The following SYTL4 variants were observed in gnomAD, a reference collection of about 807,000 sequenced individuals.
SYTL4 encodes synaptotagmin like 4.
Under a neutral mutation model 52.7 loss-of-function variants are expected in SYTL4, and 16 were observed. That is an observed-to-expected ratio of 0.30 (90% confidence interval 0.21 to 0.46). The LOEUF (loss-of-function observed/expected upper bound fraction) is 0.46, where lower values mean the gene tolerates loss of function less well. SYTL4 is among the 20% of genes least tolerant of loss of function. SYTL4 has a pLI of 1.00. For synonymous variants in SYTL4, 160 were observed against 186.6 expected, an observed-to-expected ratio of 0.86 and a Z score of 1.16; for missense variants, 423 against 519.9, an observed-to-expected ratio of 0.81 and a Z score of 1.81.
At chrX:100,724,369 G>A (rs1229029387) in intron 2 of SYTL4, among the ~76,000 whole-genome samples, 7 of 104,891 alleles carry the variant, frequency 6.7e-5, no homozygotes, top group Admixed American at 9.9e-5. Flanking sequence ...TCTGGGAGGT[G>A]TACCCAACAG....
rs188636152 is a variant in SYTL4 at position 100,710,978 on chromosome X, A to T, written c.-239-6092T>A. 8.9e-5 allele frequency among the ~76,000 whole-genome samples: 10 copies of T among 112,524 alleles called. No individual in the cohort carries two copies. The East Asian group carries it at 2.8e-3, about 32-fold the overall frequency. On this transcript the variant is annotated intron_variant, in intron 2 of 19. Coordinates refer to ENST00000372989, the MANE Select transcript of SYTL4 (RefSeq NM_001370165.1). ...GCCAGGGAAAGAACTACCTGAAAGGATTCAAAAGAACAATGCCTGTCACTC... is the reference window on the plus strand; with the variant it reads ...GCCAGGGAAAGAACTACCTGAAAGGTTTCAAAAGAACAATGCCTGTCACTC...
At chrX:100,730,868 A>T (rs1308688751) in intron 2 of SYTL4, among the ~76,000 whole-genome samples, 1 of 107,893 alleles carries the variant, frequency 9.3e-6, no homozygotes, top group East Asian at 2.9e-4. Context: ...TTGTTCCCAC[A>T]GCGACAAAAG....
intron 8 of SYTL4, among the ~76,000 whole-genome samples, chrX:100,692,621 A>C (rs1371682209): frequency 9.0e-6 from 1 of 111,464 alleles, no homozygotes; most frequent in Admixed American, 9.6e-5. Context: ...TCGGCCCCTT[A>C]CCTCAAAGAA....
chrX:100,718,958 C>T (rs147689124), intron 2 of SYTL4, among the ~76,000 whole-genome samples: 1 of 109,757 alleles, frequency 9.1e-6, no homozygotes, highest in Admixed American at 9.7e-5. Context: ...CCATCACACC[C>T]GGCTAATTTT....
chrX:100,690,040 T>A (rs755556380), intron 11 of SYTL4, 35 bp downstream of exon 11: 1 of 1,164,293 alleles, frequency 8.6e-7, no homozygotes, highest in South Asian at 1.8e-5. Context: ...ACTCAGAACT[T>A]CAGTCCTGAA....
rs142852805 is a variant in SYTL4, at chrX:100,715,739, G to A, written c.-239-10853C>T. On this transcript the variant is annotated intron_variant, in intron 2 of 19. Transcript: ENST00000372989. ...AGTTTGAGACCAGCCTGGACTACAC[G>A]GTGAAACCCCATCTCTCTACACACA... Among the ~76,000 whole-genome samples, 1,016 of 108,473 alleles carry A rather than the reference G, an allele frequency of 9.4e-3. 11 individuals carry two copies. The highest frequency in any genetic ancestry group is 0.033 in the African/African-American group (968 of 29,738). 94.2% of individuals were successfully genotyped at this position (108,473 alleles called of 115,157 possible). A position where few individuals can be genotyped will look rare whatever the true frequency, so the allele number is the denominator to read the frequency against.
At chrX:100,713,273 G>A (rs750871387) in intron 2 of SYTL4, among the ~76,000 whole-genome samples, 2 of 111,463 alleles carry the variant, frequency 1.8e-5, no homozygotes, top group East Asian at 5.6e-4. Flanking sequence ...GTGAAACCCC[G>A]TCTCTACTAA....
intron 16 of SYTL4, 101 bp downstream of exon 16, chrX:100,685,889 A>G: frequency 1.2e-6 from 1 of 866,357 alleles, no homozygotes; most frequent in Non-Finnish European, 1.6e-6. Flanking sequence ...AGAACTCCAG[A>G]GAAGACTACA....
intron 16 of SYTL4, chrX:100,684,551 G>T (rs1241041581): frequency 9.1e-6 from 1 of 109,329 alleles, no homozygotes; most frequent in Non-Finnish European, 1.9e-5. Context: ...GTAAGTGATG[G>T]CACAAAAGGA....
chrX:100,710,798 G>A (rs1330861671), intron 2 of SYTL4, among the ~76,000 whole-genome samples: 2 of 111,800 alleles, frequency 1.8e-5, no homozygotes, highest in Admixed American at 9.4e-5. Context: ...GAGAGTCTGG[G>A]AAAAAAACCA....
At chrX:100,710,621 A>G in intron 2 of SYTL4, among the ~76,000 whole-genome samples, 1 of 112,465 alleles carries the variant, frequency 8.9e-6, no homozygotes, top group African/African-American at 3.2e-5. Flanking sequence ...TTTTCAAATC[A>G]CTGAACATCA....
chrX:100,688,614 G>C (rs1331177055), intron 12 of SYTL4, among the ~76,000 whole-genome samples, 171 bp from the exon 13 acceptor site: 2 of 104,753 alleles, frequency 1.9e-5, no homozygotes, highest in Admixed American at 2.0e-4. Flanking sequence ...GCCCAGGCTG[G>C]AGGGCAATGG....
intron 19 of SYTL4, among the ~76,000 whole-genome samples, chrX:100,677,143 C>G (rs150031234): frequency 1.2e-3 from 129 of 112,127 alleles, no homozygotes; most frequent in African/African-American, 3.4e-3. Flanking sequence ...TCTGAGGACT[C>G]TCTGAGAAGG....
chrX:100,708,632 A>C (rs1175571151), intron 2 of SYTL4, among the ~76,000 whole-genome samples: 1 of 112,651 alleles, frequency 8.9e-6, no homozygotes, highest in Non-Finnish European at 1.9e-5. Context: ...AAGCTAGGCA[A>C]AACTTGACAG....
intron 2 of SYTL4, among the ~76,000 whole-genome samples, chrX:100,707,082 T>C (rs1413214320): frequency 2.7e-5 from 3 of 111,079 alleles, no homozygotes; most frequent in Non-Finnish European, 5.7e-5. Context: ...TATAGACAAG[T>C]TGAACAACAA....
At position 100,675,984 on chromosome X, in the gene SYTL4, G is replaced by A; in HGVS notation, c.*44C>T. On this transcript the variant is annotated 3_prime_UTR_variant, in exon 20 of 20. Transcript: ENST00000372989. The stretch of plus-strand genomic sequence containing the variant: ...TGCTCTTGATTTCTTCACTTCCTCT[G>A]ACCTGCCCTCGCCAGGGCTGGACCT... 1 of 1,179,784 alleles carries A rather than the reference G, an allele frequency of 8.5e-7. No homozygotes were observed. Among genetic ancestry groups the A allele is most frequent in the Non-Finnish European group, 1.1e-6 (1 of 877,366 alleles).
At chrX:100,715,945 CAAAAAAAA>C (rs769194042) in intron 2 of SYTL4, among the ~76,000 whole-genome samples, 213 of 53,575 alleles carry the variant, frequency 4.0e-3, no homozygotes, top group African/African-American at 0.011. Context: ...CTCTCTCTCT[CAAAAAAAA>C]AAAAAAAAAA....
intron 2 of SYTL4, among the ~76,000 whole-genome samples, chrX:100,722,597 C>A (rs2084364931): frequency 9.0e-6 from 1 of 111,202 alleles, no homozygotes; most frequent in Non-Finnish European, 1.9e-5. Flanking sequence ...CTTTGCCTTC[C>A]AAGGATTTTG....
chrX:100,690,493 G>A, intron 10 of SYTL4, 70 bp downstream of exon 10: 1 of 854,282 alleles, frequency 1.2e-6, no homozygotes, highest in Non-Finnish European at 1.7e-6. Context: ...AAAGACGGAG[G>A]GAGACAGGAG....
Sources: gnomAD v4.1 joint callset for allele counts (sites outside exome capture counted in the v4.1 genomes callset) on GRCh38, gnomAD v4.1.1 for gene constraint, MANE v1.5 for transcripts, NCBI Gene and HGNC (gene_info 2026-07-23, HGNC 2026-07-21) for gene names.